SNX25: variants seen among roughly 807,000 people sequenced by gnomAD.
SNX25 encodes the protein sorting nexin 25.
A neutral mutation model predicts 113.7 loss-of-function variants in SNX25; 62 were observed. The observed-to-expected ratio is 0.55, with a 90% CI of 0.44 to 0.67. The LOEUF is 0.67. Among genes scored for constraint, SNX25 ranks in the 30% least tolerant of loss-of-function variants. The pLI is 0.00. For synonymous variants in SNX25, 421 were observed against 436.2 expected (o/e 0.97, Z 0.43); for missense variants, 1,014 against 1,161.0 (o/e 0.87, Z 1.84).
intron 1 of SNX25, among the ~76,000 whole-genome samples, chr4:185,236,774 G>A (rs1742710545): frequency 6.6e-6 from 1 of 152,036 alleles, no homozygotes; most frequent in Non-Finnish European, 1.5e-5. Flanking sequence ...ACAGTACTTG[G>A]TGTGTGTTAA....
intron 1 of SNX25, among the ~76,000 whole-genome samples, chr4:185,215,647 T>C (rs949087370): frequency 4.6e-5 from 7 of 152,192 alleles, no homozygotes; most frequent in Non-Finnish European, 1.0e-4. Flanking sequence ...GCATATAATA[T>C]ATTTACTGTC....
Position 185,330,085 on chromosome 4 carries a change from A to G in SNX25, c.1750-2510A>G, listed in dbSNP as rs147928413. On this transcript the variant is annotated intron_variant, in intron 9 of 18. Transcript: ENST00000652585. ...GTCAAAGACAGGTTTATTTTGGAGAATAAACCTGAGAGGGGCTTCTGGCTG... is the reference window on the plus strand; with the variant it reads ...GTCAAAGACAGGTTTATTTTGGAGAGTAAACCTGAGAGGGGCTTCTGGCTG... Among the ~76,000 whole-genome samples, 254 of 152,340 alleles carry G rather than the reference A, an allele frequency of 1.7e-3. 1 individual carries two copies. The highest frequency in any genetic ancestry group is 5.9e-3 in the African/African-American group (245 of 41,580).
chr4:185,212,524 G>A (rs1738106569), intron 1 of SNX25, among the ~76,000 whole-genome samples: 1 of 122,404 alleles, frequency 8.2e-6, no homozygotes, highest in Non-Finnish European at 1.6e-5. Context: ...GACAGGGTCT[G>A]CTCTGTCGTG....
At chr4:185,302,671 C>A (rs899714405) in intron 6 of SNX25, among the ~76,000 whole-genome samples, 1 of 152,262 alleles carries the variant, frequency 6.6e-6, no homozygotes, top group Non-Finnish European at 1.5e-5. Context: ...CCGACTCTGC[C>A]AGCACCTTGC....
At chr4:185,230,926 A>G (rs1463981608) in intron 1 of SNX25, among the ~76,000 whole-genome samples, 1 of 152,142 alleles carries the variant, frequency 6.6e-6, no homozygotes, top group Admixed American at 6.5e-5. Context: ...AATGTTTTCA[A>G]GTTACAGATA....
chr4:185,359,784 T>A (rs1478276988), intron 16 of SNX25, among the ~76,000 whole-genome samples: 1 of 152,254 alleles, frequency 6.6e-6, no homozygotes, highest in Non-Finnish European at 1.5e-5. Flanking sequence ...TTGCTCCTAT[T>A]TATGATATTG....
At chr4:185,314,954 C>T (rs181820257) in intron 7 of SNX25, among the ~76,000 whole-genome samples, 5 of 151,502 alleles carry the variant, frequency 3.3e-5, no homozygotes, top group Admixed American at 1.3e-4. Flanking sequence ...CCCGGCTGGG[C>T]GCGGTGGCTC....
chr4:185,358,520 G>T (rs1003589706), intron 16 of SNX25, among the ~76,000 whole-genome samples: 3 of 152,162 alleles, frequency 2.0e-5, no homozygotes, highest in Non-Finnish European at 1.5e-5. Flanking sequence ...AAGTTGAATA[G>T]AATTATTTAG....
At position 185,210,728 on chromosome 4, in the gene SNX25, AC is replaced by A. The variant is rs1737648835; in HGVS notation, c.429+478del. Among the ~76,000 whole-genome samples, 1 of 148,762 alleles carries A rather than the reference AC, an allele frequency of 6.7e-6. No individual in the cohort carries two copies. The highest frequency in any genetic ancestry group is 2.2e-4 in the South Asian group (1 of 4,636). On this transcript the variant is annotated intron_variant, in intron 1 of 18. Coordinates refer to ENST00000652585, the MANE Select transcript of SNX25 (RefSeq NM_001378034.2). This position sits in a 1 kb window ranked among gnomAD's most constrained non-coding sequence, Gnocchi z 4.4. ...GCTTCGGTCCCTGGCCCAGCGCCTC[AC>A]CCCCAAGCCCGCGTACCCTTCCCAC... is the stretch of plus-strand genomic sequence containing the variant.
intron 6 of SNX25, among the ~76,000 whole-genome samples, chr4:185,291,578 C>G (rs1302907212): frequency 6.6e-6 from 1 of 152,238 alleles, no homozygotes; most frequent in Non-Finnish European, 1.5e-5. Flanking sequence ...AGTCTAAAAT[C>G]AAGGCTTTGG....
chr4:185,211,234 TGA>T (rs1471265748), intron 1 of SNX25, among the ~76,000 whole-genome samples: 1 of 152,194 alleles, frequency 6.6e-6, no homozygotes, highest in African/African-American at 2.4e-5. Context: ...CAAACTACTC[TGA>T]GTGTGTTAGT....
intron 1 of SNX25, among the ~76,000 whole-genome samples, chr4:185,239,346 G>A (rs1241895334): frequency 3.3e-5 from 5 of 152,212 alleles, no homozygotes; most frequent in Admixed American, 6.5e-5. Flanking sequence ...AGCCGGGCGT[G>A]GTGGTGGGCA....
Position 185,288,014 on chromosome 4 carries a change from A to C in SNX25, c.1094A>C (p.Tyr365Ser). The C allele has an allele frequency of 6.2e-7, 1 of 1,608,818 alleles. No homozygotes were observed. The highest frequency in any genetic ancestry group is 8.5e-7 in the Non-Finnish European group (1 of 1,178,040). Residue 365 changes from tyrosine (Y) to serine (S), a missense_variant and splice_region_variant, in exon 6 of 19, where the codon TAT (tyrosine) becomes TCT (serine). Physicochemically the swap from Tyr to Ser is moderately radical, Grantham distance 144. Coordinates refer to ENST00000652585, the MANE Select transcript of SNX25 (RefSeq NM_001378034.2). ...SDVEFLKQLR[Y>S]QIVVEIIQAT... The stretch of plus-strand genomic sequence containing the variant: ...TCTTTTCTCTTTTTAAAAATCAGGT[A>C]TCAAATTGTAGTGGAAATAATCCAG...
chr4:185,344,312 G>A (rs1470677734), intron 12 of SNX25, among the ~76,000 whole-genome samples: 2 of 152,152 alleles, frequency 1.3e-5, no homozygotes, highest in Non-Finnish European at 2.9e-5. Context: ...GAGGCAGCAG[G>A]TCTAGGGAGT....
At chr4:185,231,129 C>T (rs1440013680) in intron 1 of SNX25, among the ~76,000 whole-genome samples, 18 of 146,140 alleles carry the variant, frequency 1.2e-4, no homozygotes, top group African/African-American at 4.1e-4. Context: ...GACAGTGTTT[C>T]GCTCTGTCGC....
At chr4:185,332,458 A>C in intron 9 of SNX25, 137 bp from the exon 10 acceptor site, 1 of 848,326 alleles carries the variant, frequency 1.2e-6, no homozygotes, top group Non-Finnish European at 1.6e-6. Context: ...TTTGCTGAGA[A>C]AAAGCAGTCT....
rs1019861150 is a variant in SNX25 at position 185,311,386 on chromosome 4, T to G, written c.1344+570T>G. ...CATCTCTCTGACTGTTTTTGTACTG[T>G]AAAACTTCAGACTGTCTGTCAATAC... is the stretch of plus-strand genomic sequence containing the variant. On this transcript the variant is annotated intron_variant, in intron 7 of 18. Coordinates refer to ENST00000652585, the MANE Select transcript of SNX25 (RefSeq NM_001378034.2). 3.3e-5 allele frequency among the ~76,000 whole-genome samples: 5 copies of G among 152,338 alleles called. No individual in the cohort carries two copies. The South Asian group carries it at 1.0e-3, about 32-fold the overall frequency.
chr4:185,293,723 TTC>T (rs1752487551), intron 6 of SNX25, among the ~76,000 whole-genome samples: 1 of 152,332 alleles, frequency 6.6e-6, no homozygotes, highest in East Asian at 1.9e-4. Flanking sequence ...TTTTAATTTT[TTC>T]TGTTTTTATT....
intron 6 of SNX25, among the ~76,000 whole-genome samples, chr4:185,302,491 G>A (rs1753849566): frequency 6.6e-6 from 1 of 152,070 alleles, no homozygotes; most frequent in Non-Finnish European, 1.5e-5. Flanking sequence ...TGGTGTTTGG[G>A]GAAAAAACCT....
Sources: allele counts gnomAD v4.1 joint callset (sites outside exome capture counted in the v4.1 genomes callset), GRCh38; gene constraint gnomAD v4.1.1; non-coding constraint Gnocchi (gnomAD v3.1); transcripts MANE v1.5; gene names NCBI Gene and HGNC (gene_info 2026-07-23, HGNC 2026-07-21).